Variants in PSD3 observed in about 807,000 individuals in gnomAD.
PSD3 encodes the protein pleckstrin and Sec7 domain containing 3, also known as PH and SEC7 domain-containing protein 3.
Under a neutral mutation model 105.5 loss-of-function variants are expected in PSD3, and 49 were observed. The observed-to-expected ratio is 0.46, with a 90% CI of 0.37 to 0.59. The LOEUF is 0.59. Among genes scored for constraint, PSD3 ranks in the 20% least tolerant of loss-of-function variants. The pLI is 0.00. For missense variants in PSD3, 1,561 were observed against 1,263.8 expected, an observed-to-expected ratio of 1.24 and a Z score of -3.57; for synonymous variants, 557 against 457.8, an observed-to-expected ratio of 1.22 and a Z score of -2.77.
chr8:18,992,711 C>G (rs7821733), intron 1 of PSD3, among the ~76,000 whole-genome samples: 64,129 of 151,904 alleles, frequency 0.42, 14,320 homozygotes, highest in Non-Finnish European at 0.51. Flanking sequence ...AGAAATGATT[C>G]AGTCTTCTTC....
intron 9 of PSD3, among the ~76,000 whole-genome samples, chr8:18,763,309 A>T (rs142642880): frequency 3.3e-5 from 5 of 152,278 alleles, no homozygotes; most frequent in African/African-American, 1.2e-4. Flanking sequence ...CTTTTATTTC[A>T]CACAAAAAAA....
At chr8:19,034,595 G>GTGC (rs1563521552) in intron 1 of PSD3, among the ~76,000 whole-genome samples, 1 of 152,214 alleles carries the variant, frequency 6.6e-6, no homozygotes, top group South Asian at 2.1e-4. Context: ...GAAGGCCTCA[G>GTGC]TGCTTTACTG....
chr8:18,927,944 C>T (rs552542891), intron 2 of PSD3, among the ~76,000 whole-genome samples: 1 of 152,258 alleles, frequency 6.6e-6, no homozygotes, highest in South Asian at 2.1e-4. Flanking sequence ...TTAGAAGTTC[C>T]TCAAAAGGTT....
rs191374217 is a variant in PSD3 at position 18,776,804 on chromosome 8, C to T, written c.2083-11266G>A. Among the ~76,000 whole-genome samples, 965 of 152,186 alleles carry T rather than the reference C, an allele frequency of 6.3e-3. 8 individuals are homozygous for T. The highest frequency in any genetic ancestry group is 0.038 in the South Asian group (183 of 4,816). ...CATTACTGGTCTGTTCAAGTTTTTT[C>T]TTTCTTCAAAGTTCCCGATGAACTT... On this transcript the variant is annotated intron_variant, in intron 8 of 15. Coordinates refer to ENST00000327040, the MANE Select transcript of PSD3 (RefSeq NM_015310.4).
At chr8:19,065,026 C>A (rs76660709) in intron 1 of PSD3, among the ~76,000 whole-genome samples, 13,334 of 152,000 alleles carry the variant, frequency 0.088, 743 homozygotes, top group Middle Eastern at 0.18. Context: ...GCTAGTTTTC[C>A]AAAAAAACCA....
intron 9 of PSD3, among the ~76,000 whole-genome samples, chr8:18,668,853 G>C (rs150027216): frequency 9.2e-5 from 14 of 152,268 alleles, no homozygotes; most frequent in Non-Finnish European, 1.8e-4. Context: ...AGTTAATAAA[G>C]TTAAAAGTAA....
intron 3 of PSD3, 112 bp downstream of exon 3, chr8:18,871,514 G>A (rs1817345885): frequency 4.4e-6 from 6 of 1,365,360 alleles, no homozygotes; most frequent in Non-Finnish European, 5.0e-6. Context: ...TATATTCCAT[G>A]ATAACAAGAA....
At chr8:19,027,396 A>C (rs1165032935) in intron 1 of PSD3, among the ~76,000 whole-genome samples, 1 of 152,298 alleles carries the variant, frequency 6.6e-6, no homozygotes, top group East Asian at 1.9e-4. Context: ...ATTAATCCAC[A>C]GTCAGAAACC....
At chr8:18,946,444 A>G (rs1467852919) in intron 1 of PSD3, among the ~76,000 whole-genome samples, 2 of 152,108 alleles carry the variant, frequency 1.3e-5, no homozygotes, top group African/African-American at 4.8e-5. Flanking sequence ...AGCCAGGCAG[A>G]GTGTCATGCA....
intron 1 of PSD3, among the ~76,000 whole-genome samples, chr8:18,976,805 T>C (rs34831200): frequency 0.3 from 46,250 of 152,076 alleles, 7,521 homozygotes; most frequent in Non-Finnish European, 0.37. Context: ...TATGACAATA[T>C]TGCCGCATTG....
At chr8:18,817,198 T>C (rs747130753) in intron 4 of PSD3, among the ~76,000 whole-genome samples, 22 of 152,180 alleles carry the variant, frequency 1.4e-4, no homozygotes, top group Non-Finnish European at 2.9e-4. Context: ...CTGCCGATTC[T>C]CCAACTTCCA....
rs141431347 is a variant in PSD3, at chr8:18,532,212, G to A, written c.*3531C>T. ...AGGGAGCAATAGGCAAAGGACAGTA[G>A]AAAAGCTCAGTGTAACTTTGTGTTT... On this transcript the variant is annotated 3_prime_UTR_variant, in exon 16 of 16. Transcript: ENST00000327040. The A allele has an allele frequency of 2.0e-4, 30 of 152,334 alleles. No homozygotes were observed. The highest frequency in any genetic ancestry group is 7.0e-4 in the African/African-American group (29 of 41,578). 9.4% of individuals were successfully genotyped at this position (152,334 alleles called of 1,614,324 possible). A position where few individuals can be genotyped will look rare whatever the true frequency, so the allele number is the denominator to read the frequency against.
intron 12 of PSD3, among the ~76,000 whole-genome samples, chr8:18,586,455 G>A (rs752678391): frequency 1.3e-4 from 20 of 152,114 alleles, no homozygotes; most frequent in African/African-American, 3.6e-4. Context: ...ACGCTATTAC[G>A]TAGTTGAGAA....
At chr8:18,635,207 C>T (rs1048734989) in intron 10 of PSD3, among the ~76,000 whole-genome samples, 4 of 152,146 alleles carry the variant, frequency 2.6e-5, no homozygotes, top group Non-Finnish European at 2.9e-5. Context: ...TCAGGTACCA[C>T]AGAACGCCAA....
chr8:18,773,779 AC>A (rs1807772551), intron 8 of PSD3, among the ~76,000 whole-genome samples: 1 of 152,114 alleles, frequency 6.6e-6, no homozygotes, highest in Admixed American at 6.5e-5. Flanking sequence ...CCATTTCTTT[AC>A]ATACATATAC....
rs189055359 is a variant in PSD3 at position 18,967,590 on chromosome 8, T to A, written c.22-31448A>T. Among the ~76,000 whole-genome samples the A allele has an allele frequency of 2.7e-3, 407 of 152,304 alleles. 5 individuals are homozygous for A. Among genetic ancestry groups the A allele is most frequent in the Admixed American group, 0.025 (383 of 15,294 alleles). On this transcript the variant is annotated intron_variant, in intron 1 of 15. Transcript: ENST00000327040. Reference sequence around the variant, plus strand: ...CCAGACTTGCCCTGCTGAAGGCCTTTATGAGCTGGTCCACAAAACATCTTA... The same window carrying A: ...CCAGACTTGCCCTGCTGAAGGCCTTAATGAGCTGGTCCACAAAACATCTTA...
chr8:18,981,246 C>T (rs1563483808), intron 1 of PSD3, among the ~76,000 whole-genome samples: 1 of 152,100 alleles, frequency 6.6e-6, no homozygotes, highest in South Asian at 2.1e-4. Flanking sequence ...ATAGTGGTTT[C>T]AAGACATGTA....
intron 4 of PSD3, among the ~76,000 whole-genome samples, chr8:18,839,764 C>A (rs192502417): frequency 6.6e-6 from 1 of 152,290 alleles, no homozygotes; most frequent in East Asian, 1.9e-4. Context: ...TTACTCATCA[C>A]GCAAAGCAAC....
intron 1 of PSD3, chr8:19,000,995 A>C (rs1826350176): frequency 6.6e-6 from 1 of 151,924 alleles, no homozygotes; most frequent in Non-Finnish European, 1.5e-5. Flanking sequence ...TCTCTTATAC[A>C]AAGTGATGTA....
Sources: allele counts gnomAD v4.1 joint callset (sites outside exome capture counted in the v4.1 genomes callset), GRCh38; gene constraint gnomAD v4.1.1; transcripts MANE v1.5; gene names NCBI Gene and HGNC (gene_info 2026-07-23, HGNC 2026-07-21).